Variants in CIB2 observed in about 807,000 individuals in gnomAD.
CIB2 encodes the protein calcium and integrin binding family member 2.
CIB2 carries 19 observed loss-of-function variants against 23.1 expected under a neutral mutation model. The ratio of observed to expected loss-of-function variants is 0.82; its 90% CI spans 0.57 to 1.21. The LOEUF (loss-of-function observed/expected upper bound fraction) is 1.21, where lower values mean the gene tolerates loss of function less well. Ranked by LOEUF, CIB2 falls within the 50% of genes most tolerant of loss-of-function variation. The probability of loss-of-function intolerance (pLI) is 0.00; values close to 1 mark genes in which losing one functional copy is unlikely to be tolerated. For synonymous variants in CIB2, 94 were observed against 91.7 expected, an observed-to-expected ratio of 1.03 and a Z score of -0.14; for missense variants, 220 against 241.5, an observed-to-expected ratio of 0.91 and a Z score of 0.59.
intron 2 of CIB2, 79 bp downstream of exon 2, chr15:78,123,626 G>T (rs1226224509): frequency 1.4e-6 from 2 of 1,466,890 alleles, no homozygotes; most frequent in Non-Finnish European, 1.9e-6. Flanking sequence ...CAGGAGCACA[G>T]CCAGCCCATG....
intron 5 of CIB2, 143 bp downstream of exon 5, chr15:78,105,596 G>C: frequency 2.6e-6 from 4 of 1,526,900 alleles, no homozygotes; most frequent in Non-Finnish European, 3.5e-6. Context: ...CACACGTCTA[G>C]GGCAAGGGTG....
At chr15:78,128,399 C>T (rs990004452) in intron 1 of CIB2, among the ~76,000 whole-genome samples, 6 of 152,120 alleles carry the variant, frequency 3.9e-5, no homozygotes, top group African/African-American at 7.2e-5. Context: ...GCTGGAGGCC[C>T]GGCGCGGTGG....
intron 5 of CIB2, 158 bp downstream of exon 5, chr15:78,105,581 C>G: frequency 6.7e-7 from 1 of 1,500,092 alleles, no homozygotes; most frequent in Non-Finnish European, 8.9e-7. Flanking sequence ...GGGACAAAGG[C>G]CAGTCACACG....
At position 78,105,255 on chromosome 15, in the gene CIB2, T is replaced by A. The variant is rs541491000; in HGVS notation, c.*56A>T. 1 of 1,611,398 alleles carries A rather than the reference T, an allele frequency of 6.2e-7. No homozygotes were observed. Among genetic ancestry groups the A allele is most frequent in the African/African-American group, 1.3e-5 (1 of 74,934 alleles). ...CTGGGGAGCTTGGAGGCCACACCCA[T>A]GTGACTGCAGGGCAGGATGGTGGAC... is the stretch of plus-strand genomic sequence containing the variant. On this transcript the variant is annotated 3_prime_UTR_variant, in exon 6 of 6. Coordinates refer to ENST00000258930, the MANE Select transcript of CIB2 (RefSeq NM_006383.4).
chr15:78,116,215 T>C (rs1281462350), intron 2 of CIB2, among the ~76,000 whole-genome samples: 1 of 152,028 alleles, frequency 6.6e-6, no homozygotes, highest in Non-Finnish European at 1.5e-5. Context: ...TCTCAGCACT[T>C]TGGGAGGCCG....
At chr15:78,110,874 G>T in intron 3 of CIB2, 1 of 320,330 alleles carries the variant, frequency 3.1e-6, no homozygotes, top group South Asian at 2.3e-5. Context: ...AGCAGACACA[G>T]GTCTGCCAAC....
chr15:78,126,149 C>CA (rs373142166), intron 1 of CIB2, among the ~76,000 whole-genome samples: 174 of 126,906 alleles, frequency 1.4e-3, no homozygotes, highest in African/African-American at 5.7e-3. Context: ...TGCCCCCCCC[C>CA]CTTTTTTTTT....
intron 4 of CIB2, among the ~76,000 whole-genome samples, chr15:78,106,179 G>A (rs1012191963): frequency 1.3e-5 from 2 of 152,334 alleles, no homozygotes; most frequent in Middle Eastern, 3.4e-3. Context: ...ACATCCTGAA[G>A]CAGGTCAAAA....
intron 4 of CIB2, among the ~76,000 whole-genome samples, chr15:78,107,907 C>G (rs1350953714): frequency 2.0e-5 from 3 of 152,190 alleles, no homozygotes; most frequent in Non-Finnish European, 4.4e-5. Context: ...CGTGGTGGCT[C>G]ACACCTGTAA....
intron 2 of CIB2, among the ~76,000 whole-genome samples, chr15:78,114,851 A>G (rs1191832257): frequency 6.6e-6 from 1 of 151,894 alleles, no homozygotes; most frequent in Non-Finnish European, 1.5e-5. Context: ...AGGAGGCTAA[A>G]GTAGGAGGAT....
At chr15:78,107,666 G>A (rs929470707) in intron 4 of CIB2, among the ~76,000 whole-genome samples, 1 of 152,320 alleles carries the variant, frequency 6.6e-6, no homozygotes, top group Non-Finnish European at 1.5e-5. Flanking sequence ...GCACGCCCCT[G>A]TCTTGGGCAG....
chr15:78,121,286 G>A (rs754909715), intron 2 of CIB2, among the ~76,000 whole-genome samples: 2 of 152,196 alleles, frequency 1.3e-5, no homozygotes, highest in Non-Finnish European at 2.9e-5. Context: ...CCATGCTGCA[G>A]ACGGGGCCTC....
chr15:78,117,635 T>C (rs1596356576), intron 2 of CIB2, among the ~76,000 whole-genome samples: 3 of 152,348 alleles, frequency 2.0e-5, no homozygotes, highest in Non-Finnish European at 2.9e-5. Context: ...GATTGAAAGA[T>C]CTTACACTAT....
In CIB2 at chr15:78,131,104, G is replaced by T; in HGVS notation, c.51+61C>A. On this transcript the variant is annotated intron_variant, in intron 1 of 5. Transcript: ENST00000258930. The surrounding 1 kb of genome is among the most constrained non-coding windows in gnomAD (Gnocchi z 5.8). ...TCGGGAGGCCTCGGCCAGCGACCGA[G>T]AAAAGGGAGGGGCGGCGGGGCGGCG... 1 of 1,454,274 alleles carries T rather than the reference G, an allele frequency of 6.9e-7. No individual in the cohort carries two copies. Among genetic ancestry groups the T allele is most frequent in the South Asian group, 1.2e-5 (1 of 81,742 alleles). The allele number at this position is 1,454,274 out of a possible 1,614,324, so 90.1% of individuals were successfully genotyped here. A position where few individuals can be genotyped will look rare whatever the true frequency, so the allele number is the denominator to read the frequency against.
rs147550998 is a variant in CIB2 at position 78,108,151 on chromosome 15, C to T, written c.346+1084G>A. On this transcript the variant is annotated intron_variant, in intron 4 of 5. Coordinates refer to ENST00000258930, the MANE Select transcript of CIB2 (RefSeq NM_006383.4). ...CCCGGGAGGCAGAGGTTGCAGTGAG[C>T]CGAGATCACACGATTGCACTCCAGC... 1.3e-3 allele frequency among the ~76,000 whole-genome samples: 187 copies of T among 148,842 alleles called. 1 individual carries two copies. Among genetic ancestry groups the T allele is most frequent in the African/African-American group, 4.0e-3 (162 of 40,282 alleles).
chr15:78,117,267 A>AAAAAAAAAAAAAC (rs2074254532), intron 2 of CIB2, among the ~76,000 whole-genome samples: 1 of 122,420 alleles, frequency 8.2e-6, no homozygotes, highest in Non-Finnish European at 1.9e-5. Flanking sequence ...AAAAAAAAAA[A>AAAAAAAAAAAAAC]AAAAAAAAGT....
chr15:78,109,014 G>A (rs1045672414), intron 4 of CIB2, among the ~76,000 whole-genome samples: 1 of 152,214 alleles, frequency 6.6e-6, no homozygotes, highest in African/African-American at 2.4e-5. Flanking sequence ...GACCTGGGAT[G>A]GGTGAGTCCC....
intron 2 of CIB2, 57 bp from the exon 3 acceptor site, chr15:78,111,333 G>T: frequency 3.5e-5 from 49 of 1,402,958 alleles, no homozygotes; most frequent in East Asian, 1.4e-4. Context: ...AGCCCCAGCA[G>T]CCCGGTGCTG....
chr15:78,105,801 A>G lies in CIB2; in HGVS notation c.480T>C (p.Gly160=), dbSNP rs1040014726. 4 of 1,614,178 alleles carry G rather than the reference A, an allele frequency of 2.5e-6. No individual in the cohort carries two copies. Among genetic ancestry groups the G allele is most frequent in the Non-Finnish European group, 3.4e-6 (4 of 1,180,024 alleles). Residue 160 remains glycine (G), a synonymous_variant, in exon 5 of 6, where the codon GGT becomes GGC. Coordinates refer to ENST00000258930, the MANE Select transcript of CIB2 (RefSeq NM_006383.4). ...DKVIEEADLD[G]DGKLGFADFE... is the part of the protein sequence containing the mutation. ...AGTCAGCAAAGCCCAGCTTGCCGTC[A>G]CCGTCCAAGTCAGCCTCCTCAATGA... is the stretch of plus-strand genomic sequence containing the variant.
Sources: allele counts gnomAD v4.1 joint callset (sites outside exome capture counted in the v4.1 genomes callset), GRCh38; gene constraint gnomAD v4.1.1; non-coding constraint Gnocchi (gnomAD v3.1); transcripts MANE v1.5; gene names NCBI Gene and HGNC (gene_info 2026-07-23, HGNC 2026-07-21).